NKD1: variants seen among roughly 807,000 people sequenced by gnomAD.
The protein encoded by NKD1 is protein naked cuticle homolog 1.
A neutral mutation model predicts 56.0 loss-of-function variants in NKD1; 21 were observed. That is an observed-to-expected ratio of 0.38 (90% CI 0.27 to 0.54). The LOEUF (loss-of-function observed/expected upper bound fraction) is 0.54. Among genes scored for constraint, NKD1 ranks in the 20% least tolerant of loss-of-function variants. The probability of loss-of-function intolerance (pLI) is 0.82; values close to 1 mark genes in which losing one functional copy is unlikely to be tolerated. For synonymous variants in NKD1, 263 were observed against 265.7 expected (o/e 0.99, Z 0.10); for missense variants, 578 against 642.7 (o/e 0.90, Z 1.09).
At chr16:50,550,260 CT>C (rs947456281) in intron 3 of NKD1, among the ~76,000 whole-genome samples, 10 of 152,280 alleles carry the variant, frequency 6.6e-5, no homozygotes, top group African/African-American at 2.2e-4. Context: ...GTCCTGTGAG[CT>C]CCGGAACTCT....
At chr16:50,562,236 A>G in intron 3 of NKD1, 1 of 901,616 alleles carries the variant, frequency 1.1e-6, no homozygotes, top group Non-Finnish European at 1.3e-6. Flanking sequence ...TGAGCAAAGC[A>G]ACTGCAAAAC....
intron 3 of NKD1, among the ~76,000 whole-genome samples, chr16:50,596,973 G>A (rs1961486405): frequency 6.6e-6 from 1 of 152,178 alleles, no homozygotes; most frequent in African/African-American, 2.4e-5. Flanking sequence ...GTGTGGCTGT[G>A]GGCGAGCGGG....
At chr16:50,571,210 T>A (rs1332714456) in intron 3 of NKD1, among the ~76,000 whole-genome samples, 1 of 152,164 alleles carries the variant, frequency 6.6e-6, no homozygotes, top group African/African-American at 2.4e-5. Flanking sequence ...GGGCTGCAGG[T>A]GGCAGCCCTC....
At chr16:50,553,080 CAG>C (rs1000791998) in intron 3 of NKD1, among the ~76,000 whole-genome samples, 1 of 152,192 alleles carries the variant, frequency 6.6e-6, no homozygotes, top group Non-Finnish European at 1.5e-5. Flanking sequence ...ATCATAAACT[CAG>C]AGAGAAACGG....
chr16:50,619,532 T>C (rs1596749204), intron 4 of NKD1, among the ~76,000 whole-genome samples: 1 of 152,192 alleles, frequency 6.6e-6, no homozygotes, highest in Non-Finnish European at 1.5e-5. Context: ...TTTAATATAA[T>C]GCTTTTGTGT....
intron 3 of NKD1, among the ~76,000 whole-genome samples, chr16:50,554,695 C>T (rs911461674): frequency 3.3e-5 from 5 of 152,256 alleles, no homozygotes; most frequent in East Asian, 3.9e-4. Flanking sequence ...GGTGCAGTGG[C>T]GTCATAGCTC....
intron 3 of NKD1, among the ~76,000 whole-genome samples, chr16:50,578,876 C>A (rs922534876): frequency 6.6e-6 from 1 of 152,176 alleles, no homozygotes; most frequent in African/African-American, 2.4e-5. Flanking sequence ...GGAGAAGTCA[C>A]TTGACATCCA....
chr16:50,560,717 A>G (rs1297933245), intron 3 of NKD1, among the ~76,000 whole-genome samples: 1 of 151,806 alleles, frequency 6.6e-6, no homozygotes, highest in Non-Finnish European at 1.5e-5. Flanking sequence ...GAGTAAAAAT[A>G]TGAGAAAACA....
At chr16:50,577,270 A>T (rs948844565) in intron 3 of NKD1, among the ~76,000 whole-genome samples, 32 of 152,176 alleles carry the variant, frequency 2.1e-4, no homozygotes, top group Admixed American at 1.0e-3. Flanking sequence ...TATATTTGGT[A>T]AATAACCTTC....
intron 3 of NKD1, chr16:50,606,620 C>T (rs562915673): frequency 7.3e-5 from 27 of 369,810 alleles, no homozygotes; most frequent in African/African-American, 5.3e-4. Context: ...TTGTTGGTGG[C>T]GATGTCTGGA....
At chr16:50,595,417 C>T (rs1454466762) in intron 3 of NKD1, among the ~76,000 whole-genome samples, 1 of 152,156 alleles carries the variant, frequency 6.6e-6, no homozygotes, top group African/African-American at 2.4e-5. Flanking sequence ...GTCCTTCTTG[C>T]AGGTCAGAAC....
rs560597191 is a variant in NKD1 at position 50,621,137 on chromosome 16, C to T, written c.260-465C>T. The stretch of plus-strand genomic sequence containing the variant: ...TTGAACTCTGTTTCTGGCACTCCTC[C>T]TGGCCATCCACCAAGGTGCCGTAGG... On this transcript the variant is annotated intron_variant, in intron 4 of 9. Coordinates refer to ENST00000268459, the MANE Select transcript of NKD1 (RefSeq NM_033119.5). Among the ~76,000 whole-genome samples the T allele has an allele frequency of 3.3e-5, 5 of 152,396 alleles. No homozygotes were observed. In the East Asian group the frequency reaches 9.6e-4, roughly 29 times the overall value.
At chr16:50,589,764 C>CTT (rs1160621297) in intron 3 of NKD1, among the ~76,000 whole-genome samples, 1 of 68,808 alleles carries the variant, frequency 1.5e-5, no homozygotes, top group Non-Finnish European at 2.8e-5. Context: ...CTTCTCTTCT[C>CTT]TCCTCTCCTC....
chr16:50,567,568 C>T (rs1463143847), intron 3 of NKD1, among the ~76,000 whole-genome samples: 1 of 152,186 alleles, frequency 6.6e-6, no homozygotes, highest in Non-Finnish European at 1.5e-5. Context: ...GATCTCGGGA[C>T]ACCCCTCACT....
intron 3 of NKD1, among the ~76,000 whole-genome samples, chr16:50,565,427 A>T (rs1216310029): frequency 3.3e-5 from 5 of 150,954 alleles, no homozygotes; most frequent in Admixed American, 3.3e-4. Context: ...GCTTGTAATC[A>T]CAGCACTTTG....
At chr16:50,620,003 C>G (rs2151278441) in intron 4 of NKD1, among the ~76,000 whole-genome samples, 1 of 152,374 alleles carries the variant, frequency 6.6e-6, no homozygotes, top group East Asian at 1.9e-4. Flanking sequence ...CTGTCATTTA[C>G]TAGCGAGGCA....
At position 50,598,883 on chromosome 16, in the gene NKD1, ATCAGTGGTGTGGTGGGG is replaced by A. The variant is rs1223055735; in HGVS notation, c.193-9394_193-9378del. Among the ~76,000 whole-genome samples the A allele has an allele frequency of 2.3e-5, 3 of 127,706 alleles. No homozygotes were observed. Among genetic ancestry groups the A allele is most frequent in the African/African-American group, 6.2e-5 (2 of 32,490 alleles). 83.8% of individuals were successfully genotyped at this position (127,706 alleles called of 152,430 possible). A position where few individuals can be genotyped will look rare whatever the true frequency, so the allele number is the denominator to read the frequency against. On this transcript the variant is annotated intron_variant, in intron 3 of 9. Transcript: ENST00000268459. This position sits in a 1 kb window ranked among gnomAD's most constrained non-coding sequence, Gnocchi z 4.2. ...GTGTGGCGGGCAGTGGTGGGGCAGG[ATCAGTGGTGTGGTGGGG>A]TCAGTGGTGTGGTGGGCAGTGGTGG...
intron 3 of NKD1, among the ~76,000 whole-genome samples, chr16:50,594,217 C>A (rs1178714319): frequency 6.6e-6 from 1 of 152,234 alleles, no homozygotes; most frequent in Admixed American, 6.5e-5. Context: ...GCCTCTCAGG[C>A]CTGAGCCCTG....
chr16:50,596,627 G>A (rs375823076), intron 3 of NKD1, among the ~76,000 whole-genome samples: 9 of 152,392 alleles, frequency 5.9e-5, no homozygotes, highest in South Asian at 2.1e-4. Flanking sequence ...AATGCAGGGC[G>A]TGTTTTTCTG....
Sources: gnomAD v4.1 joint callset for allele counts (sites outside exome capture counted in the v4.1 genomes callset) on GRCh38, gnomAD v4.1.1 for gene constraint, Gnocchi (gnomAD v3.1) non-coding constraint, MANE v1.5 for transcripts, NCBI Gene and HGNC (gene_info 2026-07-23, HGNC 2026-07-21) for gene names.